Variants in IFFO2 observed in about 807,000 individuals in gnomAD.
IFFO2 encodes the protein intermediate filament family orphan 2.
Under a neutral mutation model 53.5 loss-of-function variants are expected in IFFO2, and 19 were observed. That is an observed-to-expected ratio of 0.36 (90% confidence interval 0.25 to 0.52). The LOEUF (loss-of-function observed/expected upper bound fraction) is 0.52, where lower values mean the gene tolerates loss of function less well. IFFO2 is among the 20% of genes least tolerant of loss of function. IFFO2 has a pLI of 0.94. For missense variants in IFFO2, 570 were observed against 727.4 expected, an observed-to-expected ratio of 0.78 and a Z score of 2.49; for synonymous variants, 303 against 313.6, an observed-to-expected ratio of 0.97 and a Z score of 0.36.
chr1:18,948,820 G>A (rs1017844316), intron 1 of IFFO2, among the ~76,000 whole-genome samples: 6 of 152,226 alleles, frequency 3.9e-5, no homozygotes, highest in African/African-American at 1.4e-4. Flanking sequence ...ATCTGCCTCT[G>A]TAGGGCACCC....
rs1263138108 is a variant in IFFO2 at position 18,947,503 on chromosome 1, T to C, written c.665+8165A>G. ...GGCCCTTTCTGGGTACAGCACAGGA[T>C]AAAGGTTGGATCTGGAGCCTGACTT... On this transcript the variant is annotated intron_variant, in intron 1 of 8. Transcript: ENST00000455833. The surrounding 1 kb of genome is among the most constrained non-coding windows in gnomAD (Gnocchi z 5.0). 6.6e-6 allele frequency among the ~76,000 whole-genome samples: 1 copy of C among 152,170 alleles called. No individual in the cohort carries two copies. The highest frequency in any genetic ancestry group is 1.5e-5 in the Non-Finnish European group (1 of 68,034).
At chr1:18,925,464 A>G (rs1234450574) in intron 1 of IFFO2, among the ~76,000 whole-genome samples, 1 of 152,130 alleles carries the variant, frequency 6.6e-6, no homozygotes, top group Non-Finnish European at 1.5e-5. Context: ...AGGGCCAGTG[A>G]TGGCTCCATT....
In IFFO2 at chr1:18,916,263, G is replaced by A. The variant is rs752698313; in HGVS notation, c.1103+640C>T. 2.0e-5 allele frequency among the ~76,000 whole-genome samples: 3 copies of A among 152,098 alleles called. No individual in the cohort carries two copies. Among genetic ancestry groups the A allele is most frequent in the East Asian group, 1.9e-4 (1 of 5,200 alleles). ...GGGCAAGAACACCCCTTCTCCCACC[G>A]CTTTTTTGGAGGAAGCTTTCGAAGG... is the stretch of plus-strand genomic sequence containing the variant. On this transcript the variant is annotated intron_variant, in intron 5 of 8. Coordinates refer to ENST00000455833, the MANE Select transcript of IFFO2 (RefSeq NM_001136265.2). The surrounding 1 kb of genome is among the most constrained non-coding windows in gnomAD (Gnocchi z 4.3).
At position 18,905,488 on chromosome 1, in the gene IFFO2, T is replaced by TC. The variant is rs1021722812; in HGVS notation, c.*3072dup. On this transcript the variant is annotated 3_prime_UTR_variant, in exon 9 of 9. Coordinates refer to ENST00000455833, the MANE Select transcript of IFFO2 (RefSeq NM_001136265.2). ...TTAGCTTAAGTTACATCTTATATTCTCCCCCACCCCACCCCCTCTCCTCCC... is the reference window on the plus strand; with the variant it reads ...TTAGCTTAAGTTACATCTTATATTCTCCCCCCACCCCACCCCCTCTCCTCCC... The TC allele has an allele frequency of 4.6e-5, 7 of 151,560 alleles. No individual in the cohort carries two copies. Among genetic ancestry groups the TC allele is most frequent in the Non-Finnish European group, 8.8e-5 (6 of 67,920 alleles). The allele number at this position is 151,560 out of a possible 1,614,324, so 9.4% of individuals were successfully genotyped here. A position where few individuals can be genotyped will look rare whatever the true frequency, so the allele number is the denominator to read the frequency against.
In IFFO2 at chr1:18,955,811, G is replaced by A. The variant is rs920329978; in HGVS notation, c.522C>T (p.Gly174=). 56 of 1,522,664 alleles carry A rather than the reference G, an allele frequency of 3.7e-5. No individual in the cohort carries two copies. Among genetic ancestry groups the A allele is most frequent in the Middle Eastern group, 4.5e-4 (2 of 4,488 alleles). The allele number at this position is 1,522,664 out of a possible 1,614,324, so 94.3% of individuals were successfully genotyped here. A position where few individuals can be genotyped will look rare whatever the true frequency, so the allele number is the denominator to read the frequency against. ...YTQVRRTGGG[G]VETVQGPGVS... Reference sequence around the variant, plus strand: ...CGCCGGGGCCCTGCACGGTCTCCACGCCGCCGCCGCCCGTGCGCCGCACCT... The same window carrying A: ...CGCCGGGGCCCTGCACGGTCTCCACACCGCCGCCGCCCGTGCGCCGCACCT... Residue 174 remains glycine (G), a synonymous_variant, in exon 1 of 9, where the codon GGC becomes GGT. Transcript: ENST00000455833.
rs971384743 is a variant in IFFO2 at position 18,917,293 on chromosome 1, G to A, written c.964-251C>T. ...GGCGGCCTGGTGGGTGCGCCGGCTCGGCTCGCCCTTTTACCACAGAAGCAG... is the reference window on the plus strand; with the variant it reads ...GGCGGCCTGGTGGGTGCGCCGGCTCAGCTCGCCCTTTTACCACAGAAGCAG... On this transcript the variant is annotated intron_variant, in intron 4 of 8. Coordinates refer to ENST00000455833, the MANE Select transcript of IFFO2 (RefSeq NM_001136265.2). This position sits in a 1 kb window ranked among gnomAD's most constrained non-coding sequence, Gnocchi z 5.9. Among the ~76,000 whole-genome samples the A allele has an allele frequency of 2.0e-5, 3 of 152,120 alleles. No homozygotes were observed. Among genetic ancestry groups the A allele is most frequent in the African/African-American group, 4.8e-5 (2 of 41,426 alleles).
chr1:18,954,827 A>T (rs1936703610), intron 1 of IFFO2, among the ~76,000 whole-genome samples: 1 of 152,228 alleles, frequency 6.6e-6, no homozygotes, highest in Admixed American at 6.5e-5. Flanking sequence ...CTAGCCAGAG[A>T]TTGTGGTCTC....
Position 18,916,293 on chromosome 1 carries a change from G to A in IFFO2, c.1103+610C>T, listed in dbSNP as rs1936132240. ...TTTGGAGGAAGCTTTCGAAGGAAAG[G>A]CAGGAGAATGGCAGACAGGGAACAT... is the stretch of plus-strand genomic sequence containing the variant. On this transcript the variant is annotated intron_variant, in intron 5 of 8. Transcript: ENST00000455833. The surrounding 1 kb of genome is among the most constrained non-coding windows in gnomAD (Gnocchi z 4.3). Among the ~76,000 whole-genome samples the A allele has an allele frequency of 6.6e-6, 1 of 152,122 alleles. No individual in the cohort carries two copies. Among genetic ancestry groups the A allele is most frequent in the South Asian group, 2.1e-4 (1 of 4,830 alleles).
chr1:18,935,862 CT>C (rs1246867996), intron 1 of IFFO2, among the ~76,000 whole-genome samples: 18 of 133,162 alleles, frequency 1.4e-4, no homozygotes, highest in African/African-American at 4.8e-4. Context: ...GCTAATTTTT[CT>C]ATTTTTTTTT....
At chr1:18,944,011 T>G (rs1936554843) in intron 1 of IFFO2, among the ~76,000 whole-genome samples, 1 of 152,180 alleles carries the variant, frequency 6.6e-6, no homozygotes, top group South Asian at 2.1e-4. Context: ...GAGGGAGCCC[T>G]GAGCTCAAGG....
chr1:18,944,425 C>T (rs538848811), intron 1 of IFFO2, among the ~76,000 whole-genome samples: 1 of 152,098 alleles, frequency 6.6e-6, no homozygotes. Context: ...AGCCTCCCCC[C>T]AGCCCCAATT....
At chr1:18,942,519 C>A (rs1936533704) in intron 1 of IFFO2, among the ~76,000 whole-genome samples, 1 of 152,172 alleles carries the variant, frequency 6.6e-6, no homozygotes, top group African/African-American at 2.4e-5. Context: ...GATTGTCATC[C>A]CCATTTTACA....
chr1:18,908,887 A>G (rs996942659), intron 8 of IFFO2, among the ~76,000 whole-genome samples: 3 of 152,272 alleles, frequency 2.0e-5, no homozygotes, highest in African/African-American at 7.2e-5. Context: ...TTCTCTAGGA[A>G]GAAAGCCCCT....
At chr1:18,927,962 T>C (rs551952118) in intron 1 of IFFO2, among the ~76,000 whole-genome samples, 44 of 152,236 alleles carry the variant, frequency 2.9e-4, no homozygotes, top group African/African-American at 1.0e-3. Context: ...GAAAATCCGA[T>C]AAGGGAGTGG....
rs1275300297 is a variant in IFFO2 at position 18,947,878 on chromosome 1, C to G, written c.665+7790G>C. Among the ~76,000 whole-genome samples, 2 of 152,254 alleles carry G rather than the reference C, an allele frequency of 1.3e-5. No individual in the cohort carries two copies. Among genetic ancestry groups the G allele is most frequent in the Non-Finnish European group, 2.9e-5 (2 of 68,046 alleles). ...ATATTGTGACAGGTGCTGGGGAGAC[C>G]CCGTGCCTCCTGCCTGCCTCCTCAC... On this transcript the variant is annotated intron_variant, in intron 1 of 8. Transcript: ENST00000455833. The surrounding 1 kb of genome is among the most constrained non-coding windows in gnomAD (Gnocchi z 5.0).
At chr1:18,922,005 A>G (rs1322557295) in intron 1 of IFFO2, among the ~76,000 whole-genome samples, 2 of 152,154 alleles carry the variant, frequency 1.3e-5, no homozygotes, top group African/African-American at 4.8e-5. Context: ...ACTGTTCTAC[A>G]TGAAGTTAAT....
rs1936336811 is a variant in IFFO2, at chr1:18,928,904, T to C, written c.666-7783A>G. 6.6e-6 allele frequency among the ~76,000 whole-genome samples: 1 copy of C among 152,142 alleles called. No individual in the cohort carries two copies. The highest frequency in any genetic ancestry group is 2.4e-5 in the African/African-American group (1 of 41,422). On this transcript the variant is annotated intron_variant, in intron 1 of 8. Transcript: ENST00000455833. This position sits in a 1 kb window ranked among gnomAD's most constrained non-coding sequence, Gnocchi z 4.9. ...GACAGCCTCAGGGATACCAACTCCATCCGGAGTTATCCTGGGTGCCATCAG... is the reference window on the plus strand; with the variant it reads ...GACAGCCTCAGGGATACCAACTCCACCCGGAGTTATCCTGGGTGCCATCAG...
chr1:18,943,173 C>G (rs1182537245), intron 1 of IFFO2, among the ~76,000 whole-genome samples: 1 of 152,016 alleles, frequency 6.6e-6, no homozygotes, highest in African/African-American at 2.4e-5. Flanking sequence ...TCAAGACCAG[C>G]CCCGGCAACA....
chr1:18,955,898 G>C lies in IFFO2; in HGVS notation c.435C>G (p.Pro145=), dbSNP rs1054496295. Residue 145 remains proline, a synonymous_variant, in exon 1 of 9, where the codon CCC becomes CCG. Transcript: ENST00000455833. ...ANAVALGGLP[P]GGGSHPQHYG... ...AGTGCTGCGGGTGCGAGCCGCCGCC[G>C]GGGGGCAGGCCGCCCAGGGCCACGG... 41 of 1,343,540 alleles carry C rather than the reference G, an allele frequency of 3.1e-5. No homozygotes were observed. In the African/African-American group the frequency reaches 6.3e-4, roughly 21 times the overall value. The allele number at this position is 1,343,540 out of a possible 1,614,324, so 83.2% of individuals were successfully genotyped here.
Sources: allele counts gnomAD v4.1 joint callset (sites outside exome capture counted in the v4.1 genomes callset), GRCh38; gene constraint gnomAD v4.1.1; non-coding constraint Gnocchi (gnomAD v3.1); transcripts MANE v1.5; gene names NCBI Gene and HGNC (gene_info 2026-07-23, HGNC 2026-07-21).